Variants in EML6 observed in about 807,000 individuals in gnomAD.
EML6 encodes the protein echinoderm microtubule-associated protein-like 6.
Under a neutral mutation model 240.1 loss-of-function variants are expected in EML6, and 154 were observed. The observed-to-expected ratio is 0.64, with a 90% CI of 0.56 to 0.73. EML6 has a LOEUF of 0.73. Ranked by LOEUF, EML6 falls within the 30% of genes least tolerant of loss-of-function variation. The probability of loss-of-function intolerance (pLI) is 0.00; values close to 1 mark genes in which losing one functional copy is unlikely to be tolerated. For synonymous variants in EML6, 1,148 were observed against 899.0 expected (o/e 1.28, Z -4.95); for missense variants, 2,964 against 2,474.6 (o/e 1.20, Z -4.20).
chr2:54,934,364 G>A (rs1466410664), intron 28 of EML6, among the ~76,000 whole-genome samples: 3 of 152,026 alleles, frequency 2.0e-5, no homozygotes, highest in Non-Finnish European at 4.4e-5. Flanking sequence ...CGAGAGACTG[G>A]CTCAGGGCTT....
intron 10 of EML6, among the ~76,000 whole-genome samples, chr2:54,851,406 C>T (rs891899559): frequency 1.3e-5 from 2 of 152,028 alleles, no homozygotes; most frequent in Non-Finnish European, 2.9e-5. Context: ...GAGTGAGACT[C>T]CATCTCAAAA....
rs369204582 is a variant in EML6 at position 54,812,931 on chromosome 2, T to C, written c.198-301T>C. Among the ~76,000 whole-genome samples the C allele has an allele frequency of 3.7e-4, 56 of 152,262 alleles. 1 individual carries two copies. Among genetic ancestry groups the C allele is most frequent in the African/African-American group, 1.3e-3 (54 of 41,554 alleles). ...ATATCAATAATTAAATTTCACAACATAAAGCAATTATAAAACTATACAGAC... is the reference window on the plus strand; with the variant it reads ...ATATCAATAATTAAATTTCACAACACAAAGCAATTATAAAACTATACAGAC... On this transcript the variant is annotated intron_variant, in intron 2 of 41. Coordinates refer to ENST00000356458, the MANE Select transcript of EML6 (RefSeq NM_001039753.4).
intron 2 of EML6, among the ~76,000 whole-genome samples, chr2:54,748,894 A>G (rs1684033857): frequency 6.6e-6 from 1 of 152,054 alleles, no homozygotes; most frequent in African/African-American, 2.4e-5. Flanking sequence ...TGTCAGTTCA[A>G]TCTTGGTTTT....
In EML6 at chr2:54,950,577, G is replaced by T. The variant is rs1014162025; in HGVS notation, c.4084-73G>T. 5 of 1,506,038 alleles carry T rather than the reference G, an allele frequency of 3.3e-6. No individual in the cohort carries two copies. The Admixed American group carries it at 6.2e-5, about 19-fold the overall frequency. The allele number at this position is 1,506,038 out of a possible 1,614,324, so 93.3% of individuals were successfully genotyped here. ...TCCTGGGACACACGAGGCTGCTCACGCAATGTGGGTGTGTTCCTCGGCTCT... is the reference window on the plus strand; with the variant it reads ...TCCTGGGACACACGAGGCTGCTCACTCAATGTGGGTGTGTTCCTCGGCTCT... On this transcript the variant is annotated intron_variant, in intron 29 of 41. Transcript: ENST00000356458.
rs780962493 is a variant in EML6 at position 54,863,775 on chromosome 2, C to A, written c.1826-8C>A. The stretch of plus-strand genomic sequence containing the variant: ...TTTGCTTGTTTCTTGTGGGTTGTAT[C>A]TCTGCAGAAGGTGGAGCTGATTCCT... On this transcript the variant is annotated splice_polypyrimidine_tract_variant and splice_region_variant and intron_variant, in intron 12 of 41. Transcript: ENST00000356458. 15 of 1,484,748 alleles carry A rather than the reference C, an allele frequency of 1.0e-5. No individual in the cohort carries two copies. The African/African-American group carries it at 1.8e-4, about 18-fold the overall frequency. 92.0% of individuals were successfully genotyped at this position (1,484,748 alleles called of 1,614,324 possible).
chr2:54,788,928 T>TTA (rs1461603932), intron 2 of EML6, among the ~76,000 whole-genome samples: 2 of 152,286 alleles, frequency 1.3e-5, no homozygotes, highest in African/African-American at 4.8e-5. Context: ...AATCCAATGG[T>TTA]TAGTAACATT....
rs561699843 is a variant in EML6 at position 54,954,011 on chromosome 2, C to T, written c.4341C>T (p.Asp1447=). Residue 1447 remains aspartate (D), a synonymous_variant, in exon 32 of 42, where the codon GAC becomes GAT. Transcript: ENST00000356458. ...CAACACCTTCCATCCACATATGGGA[C>T]GCCATGACCAAACACACCCTCTCCA... The part of the protein sequence containing the change: ...IGTTPSIHIW[D]AMTKHTLSML... 40 of 1,551,652 alleles carry T rather than the reference C, an allele frequency of 2.6e-5. No individual in the cohort carries two copies. The highest frequency in any genetic ancestry group is 7.3e-5 in the East Asian group (3 of 40,914).
chr2:54,910,080 T>G (rs1440939817), intron 24 of EML6, among the ~76,000 whole-genome samples: 1 of 152,198 alleles, frequency 6.6e-6, no homozygotes, highest in Non-Finnish European at 1.5e-5. Context: ...TTATGACGTC[T>G]GAAATTTGCT....
intron 28 of EML6, among the ~76,000 whole-genome samples, chr2:54,942,987 A>G (rs1675506515): frequency 6.6e-6 from 1 of 151,836 alleles, no homozygotes; most frequent in African/African-American, 2.4e-5. Context: ...CACTCTTCTT[A>G]TAGGAAGTCC....
intron 28 of EML6, among the ~76,000 whole-genome samples, chr2:54,933,283 T>C (rs938871063): frequency 1.3e-5 from 2 of 152,154 alleles, no homozygotes; most frequent in Admixed American, 6.5e-5. Flanking sequence ...ACCTTGGAAA[T>C]AGTCACCTGC....
intron 28 of EML6, among the ~76,000 whole-genome samples, chr2:54,935,856 A>G (rs1344467986): frequency 2.0e-5 from 3 of 152,158 alleles, no homozygotes; most frequent in South Asian, 2.1e-4. Context: ...AGGAGGCCCT[A>G]TCTCTACAAA....
At chr2:54,756,591 T>C (rs1443545494) in intron 2 of EML6, among the ~76,000 whole-genome samples, 5 of 151,958 alleles carry the variant, frequency 3.3e-5, no homozygotes, top group Middle Eastern at 6.3e-3. Context: ...AAAAAATCTT[T>C]TTTTAAGTTT....
At chr2:54,816,703 C>T (rs542568677) in intron 3 of EML6, 84 bp from the exon 4 acceptor site, 3 of 1,065,534 alleles carry the variant, frequency 2.8e-6, no homozygotes, top group Non-Finnish European at 4.2e-6. Context: ...AATGCCTAAC[C>T]CATAGTAAAT....
intron 7 of EML6, among the ~76,000 whole-genome samples, chr2:54,840,768 AATAAAACTG>A (rs1284795987): frequency 6.6e-6 from 1 of 152,270 alleles, no homozygotes; most frequent in African/African-American, 2.4e-5. Context: ...TATAGCAGTA[AATAAAACTG>A]ATAAAACTCT....
At chr2:54,862,795 C>G (rs1249092906) in intron 12 of EML6, among the ~76,000 whole-genome samples, 1 of 152,206 alleles carries the variant, frequency 6.6e-6, no homozygotes, top group East Asian at 1.9e-4. Context: ...AAGGAAACCT[C>G]TATAAAACCA....
At chr2:54,808,558 T>C (rs1266137487) in intron 2 of EML6, among the ~76,000 whole-genome samples, 3 of 151,782 alleles carry the variant, frequency 2.0e-5, no homozygotes, top group Non-Finnish European at 4.4e-5. Flanking sequence ...ACTAAACATA[T>C]AAATTATTAC....
chr2:54,925,427 T>A (rs13429780), intron 26 of EML6, among the ~76,000 whole-genome samples: 26,024 of 152,204 alleles, frequency 0.17, 2,830 homozygotes, highest in African/African-American at 0.3. Context: ...TTCTATGTCA[T>A]CAGTCTTGGT....
At chr2:54,924,984 A>G (rs904548697) in intron 26 of EML6, among the ~76,000 whole-genome samples, 2 of 152,228 alleles carry the variant, frequency 1.3e-5, no homozygotes, top group Admixed American at 1.3e-4. Context: ...ACTCTGTTGA[A>G]CAAAGTTCAT....
At chr2:54,817,282 G>A (rs749253217) in intron 4 of EML6, among the ~76,000 whole-genome samples, 12 of 152,302 alleles carry the variant, frequency 7.9e-5, no homozygotes, top group East Asian at 5.8e-4. Context: ...TGACAACTTC[G>A]TGATTCTTTG....
Sources: allele counts gnomAD v4.1 joint callset (sites outside exome capture counted in the v4.1 genomes callset), GRCh38; gene constraint gnomAD v4.1.1; transcripts MANE v1.5; gene names NCBI Gene and HGNC (gene_info 2026-07-23, HGNC 2026-07-21).